MSI2: variants seen among roughly 807,000 people sequenced by gnomAD.
The protein encoded by MSI2 is musashi RNA binding protein 2.
In MSI2, 17 loss-of-function variants were observed where a neutral mutation model predicts 45.6. That is an observed-to-expected ratio of 0.37 (90% CI 0.26 to 0.56). The LOEUF (loss-of-function observed/expected upper bound fraction) is 0.56. Among genes scored for constraint, MSI2 ranks in the 20% least tolerant of loss-of-function variants. MSI2 has a pLI of 0.77. For missense variants in MSI2, 293 were observed against 444.2 expected (o/e 0.66, Z 3.06); for synonymous variants, 156 against 158.2 (o/e 0.99, Z 0.11).
At chr17:57,466,792 T>TC (rs1351488146) in intron 6 of MSI2, among the ~76,000 whole-genome samples, 1 of 151,860 alleles carries the variant, frequency 6.6e-6, no homozygotes, top group Non-Finnish European at 1.5e-5. Context: ...TTTATTGATT[T>TC]TTTTAAGGTT....
chr17:57,326,082 C>T (rs1913766552), intron 5 of MSI2, among the ~76,000 whole-genome samples: 2 of 152,146 alleles, frequency 1.3e-5, no homozygotes, highest in African/African-American at 2.4e-5. Context: ...AAACATTTCC[C>T]GTCACCCCCA....
chr17:57,621,393 A>G (rs1908278563), intron 9 of MSI2, among the ~76,000 whole-genome samples: 1 of 152,218 alleles, frequency 6.6e-6, no homozygotes, highest in Non-Finnish European at 1.5e-5. Flanking sequence ...ACTTCTAGGG[A>G]TTTTTTAGAA....
intron 6 of MSI2, among the ~76,000 whole-genome samples, chr17:57,453,173 G>T (rs879519736): frequency 2.6e-5 from 4 of 151,946 alleles, no homozygotes; most frequent in Non-Finnish European, 4.4e-5. Context: ...GCTAATTTTT[G>T]TATTTTTAGT....
At chr17:57,292,554 G>T (rs1413731813) in intron 5 of MSI2, among the ~76,000 whole-genome samples, 1 of 151,816 alleles carries the variant, frequency 6.6e-6, no homozygotes, top group African/African-American at 2.4e-5. Flanking sequence ...CCCCTCGGGG[G>T]TGCTTGTTAG....
intron 6 of MSI2, among the ~76,000 whole-genome samples, chr17:57,411,054 G>A (rs1262474887): frequency 6.6e-6 from 1 of 151,864 alleles, no homozygotes; most frequent in African/African-American, 2.4e-5. Flanking sequence ...TCCCAGGCTG[G>A]AGTGCAGCAG....
intron 5 of MSI2, among the ~76,000 whole-genome samples, chr17:57,294,522 C>T (rs1278727607): frequency 6.6e-6 from 1 of 152,208 alleles, no homozygotes; most frequent in African/African-American, 2.4e-5. Flanking sequence ...AAGGGGCTAG[C>T]TGAAGCTGGG....
intron 6 of MSI2, among the ~76,000 whole-genome samples, chr17:57,521,631 A>G (rs1269359107): frequency 6.6e-6 from 1 of 152,172 alleles, no homozygotes; most frequent in Non-Finnish European, 1.5e-5. Context: ...AGGCCCATTA[A>G]TACTCATTTA....
At chr17:57,519,190 A>G (rs565492959) in intron 6 of MSI2, among the ~76,000 whole-genome samples, 5 of 152,286 alleles carry the variant, frequency 3.3e-5, no homozygotes, top group African/African-American at 9.6e-5. Context: ...TTCCCTTGGC[A>G]TAGTCCATTC....
At chr17:57,276,237 C>T (rs146319067) in intron 5 of MSI2, among the ~76,000 whole-genome samples, 2 of 152,180 alleles carry the variant, frequency 1.3e-5, no homozygotes, top group Admixed American at 6.5e-5. Flanking sequence ...CCAAGTCCAT[C>T]GAGTTATGGG....
chr17:57,672,222 G>A (rs1299254294), intron 11 of MSI2, among the ~76,000 whole-genome samples: 1 of 152,228 alleles, frequency 6.6e-6, no homozygotes. Context: ...TTCTAATACA[G>A]TGTCTTCTCC....
At chr17:57,306,981 G>A (rs1911975441) in intron 5 of MSI2, among the ~76,000 whole-genome samples, 1 of 152,186 alleles carries the variant, frequency 6.6e-6, no homozygotes, top group Admixed American at 6.5e-5. Context: ...CTTTAACTAG[G>A]GGGTCCCCAG....
At position 57,478,146 on chromosome 17, in the gene MSI2, A is replaced by G. The variant is rs1035421763; in HGVS notation, c.406-51530A>G. Among the ~76,000 whole-genome samples, 12 of 152,168 alleles carry G rather than the reference A, an allele frequency of 7.9e-5. No individual in the cohort carries two copies. The South Asian group carries it at 1.0e-3, about 13-fold the overall frequency. On this transcript the variant is annotated intron_variant, in intron 6 of 13. Transcript: ENST00000284073. The stretch of plus-strand genomic sequence containing the variant: ...GCAGACGGTATGCCACACTGGGCAC[A>G]TTGATGGCGGGCCCACTGGCTGCAG...
intron 7 of MSI2, among the ~76,000 whole-genome samples, chr17:57,563,707 G>GTCTGTC (rs2087646773): frequency 6.9e-6 from 1 of 145,426 alleles, no homozygotes; most frequent in African/African-American, 2.6e-5. Flanking sequence ...CTGTCTGTCT[G>GTCTGTC]TCTCTCTCTC....
chr17:57,527,488 C>A (rs57430978), intron 6 of MSI2, among the ~76,000 whole-genome samples: 2,984 of 152,308 alleles, frequency 0.02, 91 homozygotes, highest in East Asian at 0.082. Context: ...GAAGCCTGCC[C>A]AAAAGGAGTT....
chr17:57,547,741 TACACACACACACACACAC>T (rs34631177), intron 7 of MSI2, among the ~76,000 whole-genome samples: 11,526 of 123,404 alleles, frequency 0.093, 484 homozygotes, highest in East Asian at 0.2. Context: ...AGACAAAAAG[TACACACACACACACACAC>T]ACACACACAC....
chr17:57,427,044 T>C (rs2084505932), intron 6 of MSI2, among the ~76,000 whole-genome samples: 1 of 152,234 alleles, frequency 6.6e-6, no homozygotes, highest in Admixed American at 6.5e-5. Flanking sequence ...ACTGTTGAAT[T>C]GCTTCGAAGG....
At position 57,498,167 on chromosome 17, in the gene MSI2, G is replaced by A. The variant is rs891909256; in HGVS notation, c.406-31509G>A. Among the ~76,000 whole-genome samples the A allele has an allele frequency of 1.8e-4, 27 of 152,244 alleles. 1 individual carries two copies. The highest frequency in any genetic ancestry group is 4.1e-4 in the South Asian group (2 of 4,822). ...TCACCACTTGCCTTCCTATTGCTAC[G>A]ATGATTTAAAAGAAGAGTTGGTTTT... On this transcript the variant is annotated intron_variant, in intron 6 of 13. Transcript: ENST00000284073.
intron 5 of MSI2, among the ~76,000 whole-genome samples, chr17:57,269,490 C>T (rs1037392135): frequency 2.0e-5 from 3 of 152,208 alleles, no homozygotes; most frequent in African/African-American, 4.8e-5. Context: ...TGGCCAGAGT[C>T]TCTCTTGCCA....
intron 7 of MSI2, among the ~76,000 whole-genome samples, chr17:57,547,027 T>C (rs1431117317): frequency 6.6e-6 from 1 of 152,166 alleles, no homozygotes; most frequent in Non-Finnish European, 1.5e-5. Flanking sequence ...CTGGGCCTAC[T>C]CTGTTTAGGT....
Sources: allele counts gnomAD v4.1 joint callset (sites outside exome capture counted in the v4.1 genomes callset), GRCh38; gene constraint gnomAD v4.1.1; transcripts MANE v1.5; gene names NCBI Gene and HGNC (gene_info 2026-07-23, HGNC 2026-07-21).